The following GOLGA7 variants were observed in gnomAD, a reference collection of about 807,000 sequenced individuals.
GOLGA7 encodes the protein golgin A7, also known as golgin subfamily A member 7.
GOLGA7 carries 10 observed loss-of-function variants against 21.1 expected under a neutral mutation model. The ratio of observed to expected loss-of-function variants is 0.47; its 90% CI spans 0.29 to 0.80. GOLGA7 has a LOEUF of 0.80. Among genes scored for constraint, GOLGA7 ranks in the 30% least tolerant of loss-of-function variants. The probability of loss-of-function intolerance (pLI) is 0.08; values close to 1 mark genes in which losing one functional copy is unlikely to be tolerated. For synonymous variants in GOLGA7, 64 were observed against 62.6 expected (o/e 1.02, Z -0.10); for missense variants, 114 against 166.8 (o/e 0.68, Z 1.74).
chr8:41,506,727 T>C lies in GOLGA7; in HGVS notation c.367-332T>C, dbSNP rs117056225. 1.8e-3 allele frequency among the ~76,000 whole-genome samples: 270 copies of C among 152,316 alleles called. 7 individuals are homozygous for C. The East Asian group carries it at 0.044, about 25-fold the overall frequency. ...AAAGTTTTCATATAATTTCAGGGTATTTTTAAATCCCTGAATTCATTACCT... is the reference window on the plus strand; with the variant it reads ...AAAGTTTTCATATAATTTCAGGGTACTTTTAAATCCCTGAATTCATTACCT... On this transcript the variant is annotated intron_variant, in intron 3 of 4. Transcript: ENST00000357743.
At chr8:41,499,324 T>C (rs1806094446) in intron 2 of GOLGA7, among the ~76,000 whole-genome samples, 1 of 152,192 alleles carries the variant, frequency 6.6e-6, no homozygotes, top group Admixed American at 6.5e-5. Context: ...TAGCCATCCA[T>C]AGGCGGCTTG....
chr8:41,495,105 G>A (rs1331042557), intron 1 of GOLGA7, among the ~76,000 whole-genome samples: 1 of 144,944 alleles, frequency 6.9e-6, no homozygotes, highest in Non-Finnish European at 1.5e-5. Context: ...TCGGGAGGCT[G>A]AGACACGAGA....
intron 2 of GOLGA7, among the ~76,000 whole-genome samples, chr8:41,503,730 C>T (rs1280331687): frequency 8.3e-5 from 9 of 108,672 alleles, no homozygotes; most frequent in African/African-American, 2.0e-4. Flanking sequence ...TGTAGATATG[C>T]GGCATTATTT....
At position 41,490,674 on chromosome 8, in the gene GOLGA7, G is replaced by A. The variant is rs564984227; in HGVS notation, c.-181G>A. ...GGGGGCGCGGGGCCTGGGCCAGGCG[G>A]CAGCTAAGGCCCGCGGTGACAGCAT... On this transcript the variant is annotated 5_prime_UTR_variant, in exon 1 of 5. Coordinates refer to ENST00000357743, the MANE Select transcript of GOLGA7 (RefSeq NM_001002296.2). The A allele has an allele frequency of 2.3e-4, 124 of 549,450 alleles. No homozygotes were observed. The highest frequency in any genetic ancestry group is 1.4e-3 in the Middle Eastern group (3 of 2,100). The allele number at this position is 549,450 out of a possible 1,614,324, so 34.0% of individuals were successfully genotyped here. A position where few individuals can be genotyped will look rare whatever the true frequency, so the allele number is the denominator to read the frequency against.
At chr8:41,504,713 AT>A (rs1287557047) in intron 2 of GOLGA7, among the ~76,000 whole-genome samples, 4 of 152,234 alleles carry the variant, frequency 2.6e-5, no homozygotes, top group Admixed American at 6.5e-5. Context: ...TCCCCAAAAA[AT>A]ATTTGAATAA....
chr8:41,496,093 T>C (rs1402343336), intron 1 of GOLGA7, among the ~76,000 whole-genome samples: 2 of 152,196 alleles, frequency 1.3e-5, no homozygotes, highest in African/African-American at 2.4e-5. Context: ...CATTATGTTT[T>C]ATATCCACCT....
At chr8:41,506,248 C>G (rs1356487429) in intron 3 of GOLGA7, among the ~76,000 whole-genome samples, 1 of 152,040 alleles carries the variant, frequency 6.6e-6, no homozygotes, top group Non-Finnish European at 1.5e-5. Context: ...TTGTCACCAT[C>G]TTTCCTGGTG....
At chr8:41,506,104 A>T in intron 3 of GOLGA7, 92 bp downstream of exon 3, 1 of 658,686 alleles carries the variant, frequency 1.5e-6, no homozygotes, top group Non-Finnish European at 2.6e-6. Context: ...TTTAACTCTC[A>T]TCCTGTATTT....
At chr8:41,490,564 G>C, upstream of GOLGA7, 1 of 420,330 alleles carries the variant, frequency 2.4e-6, no homozygotes, top group Non-Finnish European at 4.3e-6. Context: ...TTTGCGGCAG[G>C]ACGTAAGTGA....
rs569057639 is a variant in GOLGA7 at position 41,508,309 on chromosome 8, C to T, written c.*15+1188C>T. On this transcript the variant is annotated intron_variant, in intron 4 of 4. Transcript: ENST00000357743. ...TCTGCTCCTGTATGATTTATTCAAT[C>T]CTGTAAGCCATGCAACATTCCAGAG... Among the ~76,000 whole-genome samples the T allele has an allele frequency of 3.3e-5, 5 of 152,284 alleles. 1 individual carries two copies. The highest frequency in any genetic ancestry group is 9.6e-5 in the African/African-American group (4 of 41,558).
intron 1 of GOLGA7, among the ~76,000 whole-genome samples, chr8:41,495,386 G>A (rs1351499983): frequency 6.6e-6 from 1 of 151,508 alleles, no homozygotes; most frequent in Non-Finnish European, 1.5e-5. Context: ...CCAGGCTCCA[G>A]CAATCCTCCC....
At chr8:41,495,161 C>T (rs1264489213) in intron 1 of GOLGA7, among the ~76,000 whole-genome samples, 36 of 138,784 alleles carry the variant, frequency 2.6e-4, no homozygotes, top group African/African-American at 9.3e-4. Flanking sequence ...CAAGATTGCG[C>T]CACTGCACTC....
intron 1 of GOLGA7, among the ~76,000 whole-genome samples, chr8:41,491,886 C>T (rs950032634): frequency 1.3e-5 from 2 of 151,992 alleles, no homozygotes; most frequent in South Asian, 4.2e-4. Context: ...ACAGGGAGGA[C>T]GAGGGCCTGA....
intron 2 of GOLGA7, 77 bp downstream of exon 2, chr8:41,497,738 T>C: frequency 5.5e-6 from 4 of 731,118 alleles, no homozygotes; most frequent in Non-Finnish European, 7.1e-6. Flanking sequence ...GATGCTTACA[T>C]GGTGATAGTT....
intron 4 of GOLGA7, among the ~76,000 whole-genome samples, chr8:41,508,221 G>C (rs1806336016): frequency 6.6e-6 from 1 of 152,174 alleles, no homozygotes; most frequent in South Asian, 2.1e-4. Flanking sequence ...GAGTTCATCA[G>C]ATAATTCTAG....
chr8:41,492,672 A>G (rs2150437074), intron 1 of GOLGA7, among the ~76,000 whole-genome samples: 1 of 152,350 alleles, frequency 6.6e-6, no homozygotes, highest in East Asian at 1.9e-4. Flanking sequence ...CAAAAAATAA[A>G]TCAAATAAAA....
intron 2 of GOLGA7, among the ~76,000 whole-genome samples, chr8:41,499,140 C>G (rs889248178): frequency 3.3e-5 from 5 of 152,142 alleles, no homozygotes; most frequent in African/African-American, 1.2e-4. Flanking sequence ...GTCCCCCTCG[C>G]AGGGCGTGTG....
intron 2 of GOLGA7, among the ~76,000 whole-genome samples, chr8:41,498,729 T>C (rs1045528311): frequency 3.9e-5 from 6 of 152,266 alleles, no homozygotes; most frequent in African/African-American, 1.4e-4. Context: ...TTTCTTGTCT[T>C]ATTTGCCTTT....
intron 1 of GOLGA7, among the ~76,000 whole-genome samples, chr8:41,494,954 G>T (rs1289956654): frequency 6.6e-6 from 1 of 152,012 alleles, no homozygotes; most frequent in Non-Finnish European, 1.5e-5. Flanking sequence ...CCAGGTGCAG[G>T]TGGCTCTTTG....
Sources: gnomAD v4.1 joint callset for allele counts (sites outside exome capture counted in the v4.1 genomes callset) on GRCh38, gnomAD v4.1.1 for gene constraint, MANE v1.5 for transcripts, NCBI Gene and HGNC (gene_info 2026-07-23, HGNC 2026-07-21) for gene names.